The following MAP3K5 variants were observed in gnomAD, a reference collection of about 807,000 sequenced individuals.
The protein encoded by MAP3K5 is mitogen-activated protein kinase kinase kinase 5.
In MAP3K5, 56 loss-of-function variants were observed where a neutral mutation model predicts 158.7. That is an observed-to-expected ratio of 0.35 (90% CI 0.28 to 0.44). The LOEUF (loss-of-function observed/expected upper bound fraction) is 0.44, where lower values mean the gene tolerates loss of function less well. MAP3K5 is among the 20% of genes least tolerant of loss of function. The pLI is 1.00. For missense variants in MAP3K5, 1,294 were observed against 1,674.8 expected, an observed-to-expected ratio of 0.77 and a Z score of 3.97; for synonymous variants, 579 against 601.7, an observed-to-expected ratio of 0.96 and a Z score of 0.55.
At chr6:136,638,177 A>C (rs1232289477) in intron 13 of MAP3K5, among the ~76,000 whole-genome samples, 1 of 152,202 alleles carries the variant, frequency 6.6e-6, no homozygotes, top group Non-Finnish European at 1.5e-5. Flanking sequence ...TGAATGAGAG[A>C]GAAAAGCTAG....
intron 7 of MAP3K5, among the ~76,000 whole-genome samples, chr6:136,678,977 C>T (rs1192948509): frequency 6.6e-6 from 1 of 152,128 alleles, no homozygotes; most frequent in African/African-American, 2.4e-5. Context: ...CCACATGCCT[C>T]GGCCTCCCGA....
chr6:136,572,086 T>C (rs1172935605), intron 25 of MAP3K5, among the ~76,000 whole-genome samples: 1 of 152,206 alleles, frequency 6.6e-6, no homozygotes, highest in Non-Finnish European at 1.5e-5. Context: ...TCAAAAACTG[T>C]TGGCAGAATG....
At chr6:136,756,307 G>C (rs1271616919) in intron 1 of MAP3K5, among the ~76,000 whole-genome samples, 5 of 152,130 alleles carry the variant, frequency 3.3e-5, no homozygotes, top group African/African-American at 1.2e-4. Context: ...GACAGAGCCA[G>C]ACCTGTCTCA....
chr6:136,754,809 G>A (rs976356489), intron 1 of MAP3K5, among the ~76,000 whole-genome samples: 2 of 152,142 alleles, frequency 1.3e-5, no homozygotes, highest in East Asian at 3.9e-4. Flanking sequence ...GCAGCCTAGG[G>A]AAGAATGATG....
intron 9 of MAP3K5, 24 bp from the exon 10 acceptor site, chr6:136,656,484 A>G (rs751287421): frequency 1.3e-6 from 2 of 1,489,676 alleles, no homozygotes; most frequent in Non-Finnish European, 1.8e-6. Context: ...GATATAAAAC[A>G]TGTAACAGAC....
intron 1 of MAP3K5, among the ~76,000 whole-genome samples, chr6:136,780,096 G>T (rs1044667699): frequency 1.3e-5 from 2 of 152,196 alleles, no homozygotes; most frequent in African/African-American, 2.4e-5. Context: ...TCCTTTCAGT[G>T]GAGGGCTGGG....
chr6:136,766,250 T>A (rs892930925), intron 1 of MAP3K5, among the ~76,000 whole-genome samples: 5 of 152,206 alleles, frequency 3.3e-5, no homozygotes, highest in African/African-American at 1.2e-4. Context: ...ACTTCTGAAT[T>A]GCAGCTCTAG....
At chr6:136,694,066 ACT>A in intron 7 of MAP3K5, 72 bp downstream of exon 7, 1 of 1,092,266 alleles carries the variant, frequency 9.2e-7, no homozygotes, top group Non-Finnish European at 1.3e-6. Flanking sequence ...ATACTTTAAC[ACT>A]CTCATTTGCA....
chr6:136,697,926 G>A (rs9389423), intron 4 of MAP3K5, among the ~76,000 whole-genome samples: 71,556 of 151,902 alleles, frequency 0.47, 17,393 homozygotes, highest in South Asian at 0.61. Context: ...TGTATTTTTG[G>A]TAGAGACAGG....
At chr6:136,745,969 A>C (rs1411715964) in intron 1 of MAP3K5, among the ~76,000 whole-genome samples, 1 of 152,186 alleles carries the variant, frequency 6.6e-6, no homozygotes, top group Non-Finnish European at 1.5e-5. Flanking sequence ...ATGGGATGTT[A>C]GTTGGTAAGG....
At chr6:136,594,456 T>C (rs1775534274) in intron 21 of MAP3K5, among the ~76,000 whole-genome samples, 1 of 152,070 alleles carries the variant, frequency 6.6e-6, no homozygotes, top group Middle Eastern at 3.2e-3. Flanking sequence ...CAGAAAAAAA[T>C]AGCTGCTTGG....
At chr6:136,746,497 C>T (rs1025037841) in intron 1 of MAP3K5, among the ~76,000 whole-genome samples, 18 of 152,136 alleles carry the variant, frequency 1.2e-4, no homozygotes, top group South Asian at 6.2e-4. Flanking sequence ...CTGAACATCA[C>T]GGAAAGAATG....
At chr6:136,754,591 A>AAG in intron 1 of MAP3K5, among the ~76,000 whole-genome samples, 1 of 149,956 alleles carries the variant, frequency 6.7e-6, no homozygotes, top group Non-Finnish European at 1.5e-5. Flanking sequence ...TCAAAAAAAA[A>AAG]AAAGAAAGAA....
chr6:136,641,547 A>G (rs1024955610), intron 12 of MAP3K5, among the ~76,000 whole-genome samples: 1 of 151,936 alleles, frequency 6.6e-6, no homozygotes, highest in African/African-American at 2.4e-5. Flanking sequence ...AAGAAATGGC[A>G]TTTTCTAAGC....
intron 1 of MAP3K5, among the ~76,000 whole-genome samples, chr6:136,772,240 G>T (rs368237831): frequency 3.3e-5 from 5 of 151,792 alleles, no homozygotes; most frequent in South Asian, 2.1e-4. Flanking sequence ...TATTTTGAGG[G>T]GGGGGGAGAC....
At chr6:136,637,895 A>G (rs1777723448) in intron 13 of MAP3K5, among the ~76,000 whole-genome samples, 1 of 152,118 alleles carries the variant, frequency 6.6e-6, no homozygotes. Context: ...AGTTCCCCTA[A>G]CACAACTCAG....
At chr6:136,775,674 T>C (rs1056644329) in intron 1 of MAP3K5, among the ~76,000 whole-genome samples, 3 of 152,194 alleles carry the variant, frequency 2.0e-5, no homozygotes, top group African/African-American at 7.2e-5. Context: ...GCAAACTTAG[T>C]CCAATGTGTC....
chr6:136,782,049 C>T (rs1189896261), intron 1 of MAP3K5, among the ~76,000 whole-genome samples: 3 of 136,412 alleles, frequency 2.2e-5, no homozygotes, highest in South Asian at 2.3e-4. Context: ...AACCCTGTCT[C>T]TACTGGAAAA....
chr6:136,575,640 G>A (rs1774582844), intron 25 of MAP3K5, among the ~76,000 whole-genome samples: 1 of 152,128 alleles, frequency 6.6e-6, no homozygotes, highest in Non-Finnish European at 1.5e-5. Context: ...CTTTTGAGGA[G>A]TATTGGTCAG....
Sources: gnomAD v4.1 joint callset for allele counts (sites outside exome capture counted in the v4.1 genomes callset) on GRCh38, gnomAD v4.1.1 for gene constraint, MANE v1.5 for transcripts, NCBI Gene and HGNC (gene_info 2026-07-23, HGNC 2026-07-21) for gene names.